The following CEP83 variants were observed in gnomAD, a reference collection of about 807,000 sequenced individuals.
The protein encoded by CEP83 is centrosomal protein 83, also known as centrosomal protein of 83 kDa.
In CEP83, 70 loss-of-function variants were observed where a neutral mutation model predicts 101.9. That is an observed-to-expected ratio of 0.69 (90% CI 0.57 to 0.84). The LOEUF is 0.84. CEP83 is among the 40% of genes least tolerant of loss of function. CEP83 has a pLI of 0.00. For synonymous variants in CEP83, 264 were observed against 267.9 expected (o/e 0.99, Z 0.14); for missense variants, 715 against 787.2 (o/e 0.91, Z 1.10).
chr12:94,291,921 T>G, the CEP83 span, among the ~76,000 whole-genome samples: 4 of 152,220 alleles, frequency 2.6e-5, no homozygotes, highest in Admixed American at 2.6e-4. Context: ...TCCCCGCTTT[T>G]GGAGTCCCTC....
intron 9 of CEP83, chr12:94,369,655 A>G (rs2061200486): frequency 4.1e-6 from 1 of 243,800 alleles, no homozygotes. Flanking sequence ...AAATTTATAA[A>G]TCAGGAAGTA....
intron 11 of CEP83, among the ~76,000 whole-genome samples, chr12:94,339,935 C>T (rs975473437): frequency 1.3e-5 from 2 of 152,230 alleles, no homozygotes; most frequent in Non-Finnish European, 2.9e-5. Flanking sequence ...ATCCTTTCAT[C>T]CCTTACTTCA....
At position 94,327,227 on chromosome 12, in the gene CEP83, T is replaced by C. The variant is rs960474503; in HGVS notation, c.1707+4473A>G. Among the ~76,000 whole-genome samples, 182 of 152,320 alleles carry C rather than the reference T, an allele frequency of 1.2e-3. 2 individuals are homozygous for C. Among genetic ancestry groups the C allele is most frequent in the African/African-American group, 4.2e-3 (176 of 41,562 alleles). On this transcript the variant is annotated intron_variant, in intron 14 of 16. Coordinates refer to ENST00000397809, the MANE Select transcript of CEP83 (RefSeq NM_016122.3). ...GACTAATAGAACAATTAAAACAATA[T>C]AGATATAAGAATTAAGGCTGGGATT...
chr12:94,380,305 T>C (rs117319412), intron 6 of CEP83, among the ~76,000 whole-genome samples: 2,290 of 152,280 alleles, frequency 0.015, 20 homozygotes, highest in Middle Eastern at 0.034. Flanking sequence ...GTGATTCCAG[T>C]TTGTTTTTGG....
intron 14 of CEP83, among the ~76,000 whole-genome samples, chr12:94,317,651 C>T (rs554649568): frequency 6.6e-6 from 1 of 152,150 alleles, no homozygotes; most frequent in Admixed American, 6.5e-5. Context: ...TTTATCCCAG[C>T]ACCATTTAAT....
rs759605597 is a variant in CEP83, at chr12:94,310,038, A to T, written c.1881T>A (p.Asn627Lys). ...GAACCAAAATTAGACTTCGAAATTC[A>T]TTATGTCTTCTCTGTATATCTTTTA... The part of the protein sequence containing the change: ...KRLKDIQRRH[N>K]EFRSLILVPN... Residue 627 changes from asparagine (N) to lysine (K), a missense_variant, in exon 16 of 17, where the codon AAT (asparagine) becomes AAA (lysine). Physicochemically the swap from Asn to Lys is moderately conservative, Grantham distance 94. Transcript: ENST00000397809. The T allele has an allele frequency of 6.2e-7, 1 of 1,607,404 alleles. No homozygotes were observed. Among genetic ancestry groups the T allele is most frequent in the East Asian group, 2.2e-5 (1 of 44,782 alleles).
At chr12:94,455,498 A>G (rs1034430456) in intron 1 of CEP83, among the ~76,000 whole-genome samples, 1 of 152,232 alleles carries the variant, frequency 6.6e-6, no homozygotes, top group Non-Finnish European at 1.5e-5. Flanking sequence ...TTCACTTTCT[A>G]TATCTTCAAC....
downstream of CEP83, chr12:94,303,627 T>C: frequency 2.8e-6 from 2 of 717,142 alleles, no homozygotes; most frequent in Non-Finnish European, 4.3e-6. Flanking sequence ...GAAGCCTTGT[T>C]AGCAAGAGGT....
At chr12:94,379,194 TC>T (rs2061705673) in intron 6 of CEP83, 152 bp from the exon 7 acceptor site, 3 of 658,354 alleles carry the variant, frequency 4.6e-6, no homozygotes, top group Non-Finnish European at 7.6e-6. Flanking sequence ...AGTATCACTA[TC>T]TTTTTGTTCT....
intron 1 of CEP83, among the ~76,000 whole-genome samples, chr12:94,435,935 C>G (rs2065949048): frequency 6.6e-6 from 1 of 152,144 alleles, no homozygotes; most frequent in Non-Finnish European, 1.5e-5. Flanking sequence ...CCAGCACCAG[C>G]CTGGAGCCCA....
At chr12:94,289,360 C>T in the CEP83 span, among the ~76,000 whole-genome samples, 1 of 152,166 alleles carries the variant, frequency 6.6e-6, no homozygotes, top group Non-Finnish European at 1.5e-5. Context: ...GGAGGGGAAT[C>T]GCTTGTTGTC....
intron 8 of CEP83, among the ~76,000 whole-genome samples, chr12:94,374,637 T>C (rs961527605): frequency 6.6e-6 from 1 of 152,206 alleles, no homozygotes; most frequent in African/African-American, 2.4e-5. Context: ...GGAAGGGTTC[T>C]TACAGATATA....
intron 2 of CEP83, among the ~76,000 whole-genome samples, chr12:94,421,080 A>G (rs2064705615): frequency 6.6e-6 from 1 of 152,052 alleles, no homozygotes; most frequent in Non-Finnish European, 1.5e-5. Flanking sequence ...TCATTCTGTC[A>G]TCCACGCTGG....
At chr12:94,336,041 T>C (rs1377696854) in intron 11 of CEP83, among the ~76,000 whole-genome samples, 1 of 152,118 alleles carries the variant, frequency 6.6e-6, no homozygotes, top group African/African-American at 2.4e-5. Context: ...AGTAGTCTAG[T>C]TTAGGAGAGG....
intron 14 of CEP83, among the ~76,000 whole-genome samples, chr12:94,317,436 C>T (rs1451569503): frequency 1.3e-5 from 2 of 152,074 alleles, no homozygotes; most frequent in Non-Finnish European, 2.9e-5. Context: ...CATTTATCAA[C>T]TTTTGCTTTT....
chr12:94,295,985 T>A, the CEP83 span, among the ~76,000 whole-genome samples: 4 of 152,196 alleles, frequency 2.6e-5, no homozygotes, highest in African/African-American at 9.6e-5. Context: ...TCTTCCTTGA[T>A]GCTTGTAGGC....
the CEP83 span, among the ~76,000 whole-genome samples, chr12:94,275,547 C>T: frequency 1.6e-4 from 24 of 152,304 alleles, no homozygotes; most frequent in Admixed American, 1.0e-3. Flanking sequence ...CTTGACTGTA[C>T]TTACGCCTTA....
intron 2 of CEP83, among the ~76,000 whole-genome samples, chr12:94,428,289 AATAAC>A (rs1430739989): frequency 5.9e-5 from 9 of 152,326 alleles, no homozygotes; most frequent in African/African-American, 2.2e-4. Flanking sequence ...GGTCTGTTAC[AATAAC>A]ATGGGGACTT....
At chr12:94,317,912 T>G (rs1466977422) in intron 14 of CEP83, among the ~76,000 whole-genome samples, 2 of 152,182 alleles carry the variant, frequency 1.3e-5, no homozygotes, top group Non-Finnish European at 2.9e-5. Flanking sequence ...TTGGACTCTT[T>G]TTTGGTTCCA....
Sources: gnomAD v4.1 joint callset for allele counts (sites outside exome capture counted in the v4.1 genomes callset) on GRCh38, gnomAD v4.1.1 for gene constraint, MANE v1.5 for transcripts, NCBI Gene and HGNC (gene_info 2026-07-23, HGNC 2026-07-21) for gene names.